The following CFAP44 variants were observed in gnomAD, a reference collection of about 807,000 sequenced individuals.
CFAP44 encodes the protein cilia and flagella associated protein 44.
CFAP44 carries 134 observed loss-of-function variants against 216.2 expected under a neutral mutation model. The ratio of observed to expected loss-of-function variants is 0.62; its 90% confidence interval spans 0.54 to 0.72. The LOEUF (loss-of-function observed/expected upper bound fraction) is 0.72. Among genes scored for constraint, CFAP44 ranks in the 30% least tolerant of loss-of-function variants. The pLI is 0.00. For missense variants in CFAP44, 2,035 were observed against 2,182.1 expected (o/e 0.93, Z 1.34); for synonymous variants, 700 against 727.6 (o/e 0.96, Z 0.61).
intron 21 of CFAP44, 100 bp from the exon 22 acceptor site, chr3:113,358,975 C>T (rs1470305714): frequency 2.2e-6 from 3 of 1,335,956 alleles, no homozygotes; most frequent in Non-Finnish European, 3.0e-6. Context: ...CATAACTCTT[C>T]CCCAAATATC....
chr3:113,306,174 G>A (rs1483923496), intron 30 of CFAP44, 27 bp downstream of exon 30: 2 of 1,528,726 alleles, frequency 1.3e-6, no homozygotes, highest in Admixed American at 2.0e-5. Context: ...ATTTTGAGAG[G>A]ATAAATAAGT....
At chr3:113,343,825 T>C (rs926069365) in intron 23 of CFAP44, among the ~76,000 whole-genome samples, 6 of 151,998 alleles carry the variant, frequency 3.9e-5, no homozygotes, top group Non-Finnish European at 7.4e-5. Context: ...CATTAAAGAG[T>C]TCCCAATGAA....
intron 15 of CFAP44, among the ~76,000 whole-genome samples, chr3:113,390,983 G>A (rs1355942483): frequency 6.6e-6 from 1 of 151,714 alleles, no homozygotes; most frequent in Non-Finnish European, 1.5e-5. Context: ...CATACACATA[G>A]AAAAAAAATC....
chr3:113,404,789 AGAG>A (rs1207867149), intron 8 of CFAP44, among the ~76,000 whole-genome samples: 2 of 152,176 alleles, frequency 1.3e-5, no homozygotes, highest in African/African-American at 2.4e-5. Flanking sequence ...CCCATTTTAC[AGAG>A]GAGAACATTG....
intron 13 of CFAP44, among the ~76,000 whole-genome samples, chr3:113,398,086 T>C (rs1232920841): frequency 1.3e-5 from 2 of 152,178 alleles, no homozygotes; most frequent in African/African-American, 4.8e-5. Context: ...ACCATTCAAC[T>C]TCAGTTGAAT....
chr3:113,407,355 A>G (rs753934634), intron 7 of CFAP44, among the ~76,000 whole-genome samples: 1 of 152,246 alleles, frequency 6.6e-6, no homozygotes, highest in Non-Finnish European at 1.5e-5. Context: ...AGTAATTAAC[A>G]TTAAATAAAA....
intron 31 of CFAP44, chr3:113,304,390 G>A (rs1333652756): frequency 7.8e-6 from 3 of 384,588 alleles, no homozygotes; most frequent in Non-Finnish European, 1.4e-5. Context: ...ACATTTCAGG[G>A]CTGGCATACT....
intron 22 of CFAP44, 51 bp from the exon 23 acceptor site, chr3:113,344,763 C>T (rs1950365466): frequency 2.1e-6 from 3 of 1,395,940 alleles, no homozygotes; most frequent in Non-Finnish European, 1.9e-6. Context: ...GATCATTCTG[C>T]ATAATTACTA....
At chr3:113,313,293 T>C (rs1950056988) in intron 28 of CFAP44, among the ~76,000 whole-genome samples, 1 of 152,168 alleles carries the variant, frequency 6.6e-6, no homozygotes, top group South Asian at 2.1e-4. Flanking sequence ...GTAATCTCTT[T>C]GTTTTGGTCA....
chr3:113,427,449 C>T (rs1246119207), intron 2 of CFAP44, 110 bp from the exon 3 acceptor site: 4 of 752,576 alleles, frequency 5.3e-6, no homozygotes, highest in African/African-American at 1.8e-5. Context: ...AAATCTAATA[C>T]ATACTCAAAA....
intron 28 of CFAP44, among the ~76,000 whole-genome samples, chr3:113,309,118 T>G (rs1018381399): frequency 2.0e-5 from 3 of 152,186 alleles, no homozygotes; most frequent in Non-Finnish European, 4.4e-5. Flanking sequence ...TTCTGACTAG[T>G]TCCTGACCTT....
chr3:113,292,830 C>A (rs1260390819), intron 34 of CFAP44, among the ~76,000 whole-genome samples: 1 of 152,228 alleles, frequency 6.6e-6, no homozygotes, highest in Non-Finnish European at 1.5e-5. Context: ...AAACACTTAA[C>A]CTTACCCATT....
At position 113,403,989 on chromosome 3, in the gene CFAP44, T is replaced by A. The variant is rs1214280665; in HGVS notation, c.1033A>T (p.Met345Leu). 5.6e-6 allele frequency: 9 copies of A among 1,614,052 alleles called. No homozygotes were observed. Among genetic ancestry groups the A allele is most frequent in the Non-Finnish European group, 5.1e-6 (6 of 1,179,966 alleles). The change falls in exon 9 of 35, where the codon ATG (methionine) becomes TTG (leucine). Residue 345 changes from methionine (M) to leucine (L), a missense_variant. Transcript: ENST00000393845. ...KVLSGSEWGN[M>L]LLWEGGLIKV... is the part of the protein sequence containing the mutation. ...ATCAGACCACCTTCCCAAAGCAGCA[T>A]GTTGCCCCATTCTGACCCTGAGAGC...
chr3:113,412,090 T>C (rs1934494480), intron 6 of CFAP44, among the ~76,000 whole-genome samples: 2 of 152,172 alleles, frequency 1.3e-5, no homozygotes, highest in African/African-American at 4.8e-5. Flanking sequence ...AGCATTCCCT[T>C]TGAAAACTGG....
chr3:113,422,001 T>A (rs1484703115), intron 4 of CFAP44, among the ~76,000 whole-genome samples: 1 of 152,128 alleles, frequency 6.6e-6, no homozygotes, highest in Non-Finnish European at 1.5e-5. Flanking sequence ...TATATTTTTT[T>A]AAAAAAGAGG....
intron 15 of CFAP44, among the ~76,000 whole-genome samples, chr3:113,395,455 A>G (rs1463020754): frequency 2.0e-5 from 3 of 152,186 alleles, no homozygotes; most frequent in Non-Finnish European, 4.4e-5. Context: ...GCCTGTGGCC[A>G]AAAGTCCCGT....
chr3:113,401,139 C>A, intron 11 of CFAP44, 101 bp downstream of exon 11: 1 of 1,119,610 alleles, frequency 8.9e-7, no homozygotes, highest in South Asian at 1.5e-5. Context: ...TTTATGAGGA[C>A]CATGATGAAA....
intron 28 of CFAP44, among the ~76,000 whole-genome samples, chr3:113,316,957 T>C (rs542726725): frequency 1.0e-3 from 154 of 151,342 alleles, no homozygotes; most frequent in African/African-American, 3.5e-3. Context: ...AGAGCCTAAA[T>C]TATGGAGTAA....
At position 113,294,777 on chromosome 3, in the gene CFAP44, T is replaced by G; in HGVS notation, c.5283A>C (p.Lys1761Asn). ...TCTGATAAAGCTTTCTGGTGTGTTC[T>G]TTTGTCTTCATCATCAGTTCCCATC... ...QMRWELMMKT[K>N]EHTRKLYQMN... is the part of the protein sequence containing the mutation. The change falls in exon 34 of 35, where the codon AAA (lysine) becomes AAC (asparagine). Residue 1761 changes from lysine (K) to asparagine (N), a missense_variant. Physicochemically the swap from Lys to Asn is moderately conservative, Grantham distance 94. This residue lies in a region of CFAP44 where 1,883 missense variants were observed against 2,023.7 expected (regional missense o/e 0.93). Transcript: ENST00000393845. The G allele has an allele frequency of 6.5e-7, 1 of 1,536,164 alleles. No homozygotes were observed. Among genetic ancestry groups the G allele is most frequent in the Non-Finnish European group, 8.7e-7 (1 of 1,146,480 alleles).
Sources: allele counts gnomAD v4.1 joint callset (sites outside exome capture counted in the v4.1 genomes callset), GRCh38; gene constraint gnomAD v4.1.1; regional missense constraint gnomAD v4.1.1; transcripts MANE v1.5; gene names NCBI Gene and HGNC (gene_info 2026-07-23, HGNC 2026-07-21).